The following PLD5 variants were observed in gnomAD, a reference collection of about 807,000 sequenced individuals.
The protein encoded by PLD5 is inactive phospholipase D5.
In PLD5, 36 loss-of-function variants were observed where a neutral mutation model predicts 61.1. The observed-to-expected ratio is 0.59, with a 90% CI of 0.45 to 0.78. The LOEUF (loss-of-function observed/expected upper bound fraction) is 0.78. Ranked by LOEUF, PLD5 falls within the 30% of genes least tolerant of loss-of-function variation. The pLI, the probability that PLD5 is intolerant of heterozygous loss-of-function variation, is 0.00. For missense variants in PLD5, 515 were observed against 644.4 expected (o/e 0.80, Z 2.17); for synonymous variants, 243 against 242.8 (o/e 1.00, Z -0.01).
At chr1:242,179,834 C>T (rs188796962) in intron 5 of PLD5, among the ~76,000 whole-genome samples, 18 of 152,166 alleles carry the variant, frequency 1.2e-4, no homozygotes, top group East Asian at 5.8e-4. Flanking sequence ...AGCCAGGAGG[C>T]GGAGGTTGCA....
At position 242,130,054 on chromosome 1, in the gene PLD5, CT is replaced by C. The variant is rs561595174; in HGVS notation, c.736-5390del. 5.5e-3 allele frequency among the ~76,000 whole-genome samples: 788 copies of C among 142,868 alleles called. 5 individuals carry two copies. The highest frequency in any genetic ancestry group is 0.019 in the Middle Eastern group (5 of 270). The allele number at this position is 142,868 out of a possible 152,430, so 93.7% of individuals were successfully genotyped here. ...TATCCAATCATCTGTTGATGAACAT[CT>C]TTTTTTTTTTTTTTGAGATGGAGTC... On this transcript the variant is annotated intron_variant, in intron 5 of 9. Coordinates refer to ENST00000536534, the MANE Select transcript of PLD5 (RefSeq NM_001372062.1).
chr1:242,395,994 G>A (rs929730119), intron 1 of PLD5, among the ~76,000 whole-genome samples: 1 of 152,178 alleles, frequency 6.6e-6, no homozygotes, highest in African/African-American at 2.4e-5. Context: ...GTTGCAGTGA[G>A]GCGAGATTGC....
chr1:242,167,078 GTAA>G (rs377540462), intron 5 of PLD5, among the ~76,000 whole-genome samples: 13,088 of 58,490 alleles, frequency 0.22, 754 homozygotes, highest in Middle Eastern at 0.35. Context: ...AATAATAATA[GTAA>G]TAATAATAAT....
intron 1 of PLD5, among the ~76,000 whole-genome samples, chr1:242,508,118 C>T (rs573842115): frequency 2.1e-4 from 32 of 151,174 alleles, no homozygotes; most frequent in African/African-American, 7.8e-4. Flanking sequence ...AATCCCAGCA[C>T]TTTGGGAGGC....
intron 5 of PLD5, among the ~76,000 whole-genome samples, chr1:242,191,661 A>C (rs1215675823): frequency 1.3e-5 from 2 of 152,296 alleles, no homozygotes; most frequent in East Asian, 3.9e-4. Flanking sequence ...TATGAGTAGA[A>C]GGAAAAGAAG....
intron 5 of PLD5, among the ~76,000 whole-genome samples, chr1:242,201,745 A>G (rs961847107): frequency 6.6e-6 from 1 of 152,206 alleles, no homozygotes; most frequent in Non-Finnish European, 1.5e-5. Context: ...TGCCAATTAG[A>G]ATTTTACCTC....
intron 1 of PLD5, among the ~76,000 whole-genome samples, chr1:242,438,227 G>A (rs1666094713): frequency 6.6e-6 from 1 of 151,558 alleles, no homozygotes; most frequent in Admixed American, 6.6e-5. Context: ...GGGATGGCGT[G>A]ACAGCATGTA....
chr1:242,196,980 A>G (rs1251280420), intron 5 of PLD5, among the ~76,000 whole-genome samples: 1 of 151,918 alleles, frequency 6.6e-6, no homozygotes, highest in African/African-American at 2.4e-5. Context: ...CCCAGGCTGG[A>G]CTCGAACTCC....
At chr1:242,134,447 C>G (rs1277437564) in intron 5 of PLD5, among the ~76,000 whole-genome samples, 1 of 151,864 alleles carries the variant, frequency 6.6e-6, no homozygotes, top group Non-Finnish European at 1.5e-5. Flanking sequence ...AAATCTCAGG[C>G]TACTTTCCTT....
chr1:242,187,373 T>G (rs1361476912), intron 5 of PLD5, among the ~76,000 whole-genome samples: 1 of 152,246 alleles, frequency 6.6e-6, no homozygotes, highest in East Asian at 1.9e-4. Flanking sequence ...TGAGTCATCA[T>G]AGCAGTCCTG....
chr1:242,449,403 C>T (rs1387403777), intron 1 of PLD5: 1 of 1,536,102 alleles, frequency 6.5e-7, no homozygotes. Context: ...CAGCCAGGAG[C>T]TGTCGCTGAT....
At chr1:242,203,721 C>T (rs1206306504) in intron 5 of PLD5, 1 of 152,366 alleles carries the variant, frequency 6.6e-6, no homozygotes, top group Non-Finnish European at 1.5e-5. Context: ...CAGCACCACG[C>T]TTCCTATACA....
At chr1:242,158,182 G>T (rs1665539180) in intron 5 of PLD5, among the ~76,000 whole-genome samples, 1 of 152,182 alleles carries the variant, frequency 6.6e-6, no homozygotes, top group Non-Finnish European at 1.5e-5. Context: ...ATCCCAGGTG[G>T]ATCTGAGCCT....
At chr1:242,521,603 A>G (rs1308413818) in intron 1 of PLD5, among the ~76,000 whole-genome samples, 1 of 105,908 alleles carries the variant, frequency 9.4e-6, no homozygotes, top group Non-Finnish European at 2.2e-5. Context: ...GTTTTCAGGC[A>G]TATGATCTCC....
intron 1 of PLD5, among the ~76,000 whole-genome samples, chr1:242,392,796 T>C (rs1037425472): frequency 1.3e-5 from 2 of 152,196 alleles, no homozygotes; most frequent in African/African-American, 4.8e-5. Context: ...TAATTAGGAA[T>C]TCTGTCCAGA....
At chr1:242,382,482 G>T (rs938904485) in intron 1 of PLD5, among the ~76,000 whole-genome samples, 1 of 152,114 alleles carries the variant, frequency 6.6e-6, no homozygotes, top group African/African-American at 2.4e-5. Context: ...TGGTGGCCTG[G>T]AAGCTAAGAA....
rs368594617 is a variant in PLD5 at position 242,207,894 on chromosome 1, A to T, written c.735+12094T>A. Among the ~76,000 whole-genome samples the T allele has an allele frequency of 8.1e-4, 27 of 33,388 alleles. 4 individuals are homozygous for T. Among genetic ancestry groups the T allele is most frequent in the African/African-American group, 6.3e-3 (22 of 3,496 alleles). The allele number at this position is 33,388 out of a possible 152,430, so 21.9% of individuals were successfully genotyped here. On this transcript the variant is annotated intron_variant, in intron 5 of 9. Coordinates refer to ENST00000536534, the MANE Select transcript of PLD5 (RefSeq NM_001372062.1). ...TATATATATTTATATATTTATATAT[A>T]TTTATATATTTATATATATTTATAT...
intron 4 of PLD5, among the ~76,000 whole-genome samples, chr1:242,253,032 G>T (rs189472279): frequency 6.6e-6 from 1 of 151,208 alleles, no homozygotes; most frequent in East Asian, 2.0e-4. Context: ...GCTCAGGCTG[G>T]TCTCAAACTC....
chr1:242,297,745 T>G (rs1014954654), intron 2 of PLD5, among the ~76,000 whole-genome samples: 5 of 149,524 alleles, frequency 3.3e-5, no homozygotes, highest in Non-Finnish European at 7.4e-5. Flanking sequence ...GTTCACGCCA[T>G]TCTCCTGCCT....
Sources: allele counts gnomAD v4.1 joint callset (sites outside exome capture counted in the v4.1 genomes callset), GRCh38; gene constraint gnomAD v4.1.1; transcripts MANE v1.5; gene names NCBI Gene and HGNC (gene_info 2026-07-23, HGNC 2026-07-21).